The following PRH1 variants were observed in gnomAD, a reference collection of about 807,000 sequenced individuals.
The protein encoded by PRH1 is proline rich protein HaeIII subfamily 1.
A neutral mutation model predicts 7.9 loss-of-function variants in PRH1; 7 were observed. That is an observed-to-expected ratio of 0.89 (90% confidence interval 0.50 to 1.67). The LOEUF (loss-of-function observed/expected upper bound fraction) is 1.67, where lower values mean the gene tolerates loss of function less well. Among genes scored for constraint, PRH1 ranks in the 40% most tolerant of loss-of-function variants. The pLI is 0.00. For synonymous variants in PRH1, 45 were observed against 80.8 expected (o/e 0.56, Z 2.38); for missense variants, 109 against 223.6 (o/e 0.49, Z 3.27).
chr12:10,897,716 G>A (rs1311879908), intron 2 of PRH1, among the ~76,000 whole-genome samples: 3 of 152,088 alleles, frequency 2.0e-5, no homozygotes, highest in Non-Finnish European at 4.4e-5. Context: ...GAAAGATGGG[G>A]GAGGTGCCTT....
chr12:10,936,341 GCTTT>G (rs1467104311), intron 2 of PRH1, among the ~76,000 whole-genome samples: 2 of 152,112 alleles, frequency 1.3e-5, no homozygotes. Flanking sequence ...GCAAAGAGAA[GCTTT>G]CTAAGAATGC....
At chr12:11,129,487 C>T (rs944809082) in intron 1 of PRH1, among the ~76,000 whole-genome samples, 1 of 152,290 alleles carries the variant, frequency 6.6e-6, no homozygotes, top group Non-Finnish European at 1.5e-5. Flanking sequence ...TGGTCACTGT[C>T]ATGACAAAAC....
At chr12:10,971,196 C>T (rs1938798982) in intron 2 of PRH1, among the ~76,000 whole-genome samples, 2 of 152,150 alleles carry the variant, frequency 1.3e-5, no homozygotes, top group Admixed American at 6.5e-5. Flanking sequence ...CTCTTGTTTT[C>T]CTCCTCCCTA....
chr12:10,885,719 T>C (rs1339821029), upstream of PRH1, among the ~76,000 whole-genome samples: 10 of 152,222 alleles, frequency 6.6e-5, no homozygotes, highest in Admixed American at 2.0e-4. Context: ...CACTTTCCAT[T>C]TCAGACCTTG....
At chr12:11,080,514 C>T (rs146239425) in intron 1 of PRH1, among the ~76,000 whole-genome samples, 2,929 of 98,380 alleles carry the variant, frequency 0.03, 855 homozygotes, top group South Asian at 0.045. Flanking sequence ...CCTTGATAAA[C>T]GTTCACATTC....
intron 1 of PRH1, among the ~76,000 whole-genome samples, chr12:11,102,564 T>C (rs1945287556): frequency 6.6e-6 from 1 of 152,190 alleles, no homozygotes; most frequent in Non-Finnish European, 1.5e-5. Flanking sequence ...AAGACTTAAA[T>C]GTTGGACCTA....
At chr12:11,063,721 G>A (rs1423519083) in intron 1 of PRH1, among the ~76,000 whole-genome samples, 2 of 152,016 alleles carry the variant, frequency 1.3e-5, no homozygotes, top group Non-Finnish European at 2.9e-5. Context: ...AAAAACAGAT[G>A]GGAAATTGCA....
chr12:11,143,091 G>C (rs757292684), intron 1 of PRH1, among the ~76,000 whole-genome samples: 2 of 149,966 alleles, frequency 1.3e-5, no homozygotes, highest in Non-Finnish European at 3.0e-5. Flanking sequence ...CCTCGCTAAA[G>C]TACAAAAATT....
intron 1 of PRH1, chr12:11,092,341 G>GTA: frequency 3.0e-6 from 1 of 334,840 alleles, no homozygotes; most frequent in Non-Finnish European, 5.4e-6. Context: ...TGACCTTCAC[G>GTA]GTGAGTGTTG....
intron 1 of PRH1, among the ~76,000 whole-genome samples, chr12:11,028,949 T>A (rs11612527): frequency 0.17 from 25,782 of 151,856 alleles, 16 homozygotes; most frequent in Non-Finnish European, 0.21. Context: ...TTCACTGGTT[T>A]ACCACATCAA....
At chr12:11,012,569 T>C (rs1941113312) in intron 1 of PRH1, among the ~76,000 whole-genome samples, 1 of 152,170 alleles carries the variant, frequency 6.6e-6, no homozygotes, top group African/African-American at 2.4e-5. Flanking sequence ...CTTCCACTTT[T>C]CCTTTTTTGT....
At chr12:10,942,358 T>G (rs1031409040) in intron 2 of PRH1, among the ~76,000 whole-genome samples, 4 of 152,118 alleles carry the variant, frequency 2.6e-5, no homozygotes, top group Non-Finnish European at 4.4e-5. Context: ...GAGCTAAGCA[T>G]GTCTGAGCTC....
intron 1 of PRH1, among the ~76,000 whole-genome samples, chr12:11,018,532 A>G (rs1941412022): frequency 8.2e-6 from 1 of 122,456 alleles, no homozygotes; most frequent in Admixed American, 8.7e-5. Context: ...CTTGTAACAG[A>G]AAAGCTTAGT....
chr12:11,039,788 A>G (rs1265717933), intron 1 of PRH1, among the ~76,000 whole-genome samples: 1 of 152,226 alleles, frequency 6.6e-6, no homozygotes, highest in African/African-American at 2.4e-5. Context: ...TGTATAACTT[A>G]TTGTTTACAA....
rs371840032 is a variant in PRH1, at chr12:11,062,279, G to A, written n.124-15091C>T. On this transcript the variant is annotated intron_variant and non_coding_transcript_variant, in intron 1 of 4. Coordinates refer to the PRH1 transcript ENST00000541977. ...ACTATTAGAATGGAAAAAATGATGG[G>A]CAGAAAAGTTATCATGTCTGAACAG... is the stretch of plus-strand genomic sequence containing the variant. The A allele has an allele frequency of 2.7e-5, 44 of 1,611,660 alleles. No homozygotes were observed. In the African/African-American group the frequency reaches 3.9e-4, roughly 14 times the overall value.
intron 1 of PRH1, among the ~76,000 whole-genome samples, chr12:11,042,479 C>T (rs1046335879): frequency 7.3e-6 from 1 of 136,112 alleles, no homozygotes; most frequent in African/African-American, 2.7e-5. Context: ...TAAAATGTCT[C>T]CCAGTTTAAA....
At chr12:11,154,855 G>A (rs1434896100) in intron 1 of PRH1, among the ~76,000 whole-genome samples, 1 of 152,096 alleles carries the variant, frequency 6.6e-6, no homozygotes, top group Non-Finnish European at 1.5e-5. Flanking sequence ...CAGGAAAGAG[G>A]ATCAGAGACA....
intron 1 of PRH1, among the ~76,000 whole-genome samples, chr12:10,994,654 T>TGAG (rs1940122483): frequency 4.5e-5 from 1 of 22,180 alleles, no homozygotes. Context: ...TCTAGACCCC[T>TGAG]GATAAGATAT....
intron 2 of PRH1, among the ~76,000 whole-genome samples, chr12:10,945,753 AG>A (rs1259623163): frequency 6.6e-6 from 1 of 152,180 alleles, no homozygotes; most frequent in East Asian, 1.9e-4. Context: ...GTGCTACGGG[AG>A]ACCAGAGCTT....
Sources: gnomAD v4.1 joint callset for allele counts (sites outside exome capture counted in the v4.1 genomes callset) on GRCh38, gnomAD v4.1.1 for gene constraint, MANE v1.5 for transcripts, NCBI Gene and HGNC (gene_info 2026-07-23, HGNC 2026-07-21) for gene names.